Variants in RBFOX1 observed in about 807,000 individuals in gnomAD.
RBFOX1 encodes the protein RNA binding fox-1 homolog 1, also known as RNA binding protein fox-1 homolog 1.
In RBFOX1, 8 loss-of-function variants were observed where a neutral mutation model predicts 57.7. The observed-to-expected ratio is 0.14, with a 90% CI of 0.08 to 0.25. The LOEUF is 0.25. Among genes scored for constraint, RBFOX1 ranks in the 10% least tolerant of loss-of-function variants. The pLI is 1.00. For missense variants in RBFOX1, 611 were observed against 548.5 expected (o/e 1.11, Z -1.14); for synonymous variants, 326 against 222.4 (o/e 1.47, Z -4.15).
intron 2 of RBFOX1, among the ~76,000 whole-genome samples, chr16:6,441,792 C>T (rs752961459): frequency 2.6e-5 from 4 of 152,168 alleles, no homozygotes; most frequent in Non-Finnish European, 5.9e-5. Context: ...CGTCTCACAG[C>T]TTTAGCCCTT....
At chr16:6,242,719 T>C (rs73531431) in intron 1 of RBFOX1, among the ~76,000 whole-genome samples, 15,422 of 151,830 alleles carry the variant, frequency 0.1, 1,686 homozygotes, top group African/African-American at 0.28. Flanking sequence ...GCATTGCATC[T>C]TTTTATAGCC....
intron 3 of RBFOX1, among the ~76,000 whole-genome samples, chr16:5,685,912 C>T (rs562926480): frequency 6.6e-6 from 1 of 152,262 alleles, no homozygotes; most frequent in Non-Finnish European, 1.5e-5. Context: ...CAATGTTTGT[C>T]ATGCTGGACA....
At chr16:7,446,280 T>A (rs575619141) in intron 4 of RBFOX1, among the ~76,000 whole-genome samples, 10 of 152,222 alleles carry the variant, frequency 6.6e-5, no homozygotes, top group Admixed American at 6.5e-5. Context: ...CCTTCTATGA[T>A]TGAGTTGCTT....
intron 3 of RBFOX1, among the ~76,000 whole-genome samples, chr16:5,666,916 T>A (rs534625458): frequency 6.6e-6 from 1 of 152,196 alleles, no homozygotes; most frequent in Non-Finnish European, 1.5e-5. Context: ...GCTTTGTGGA[T>A]TGCCCTGTGT....
chr16:7,647,986 TA>T (rs2064094445), intron 11 of RBFOX1, among the ~76,000 whole-genome samples: 1 of 152,182 alleles, frequency 6.6e-6, no homozygotes, highest in South Asian at 2.1e-4. Context: ...TCTGTCCAGG[TA>T]ATCATCTCAA....
At chr16:7,686,341 C>T (rs370095454) in intron 14 of RBFOX1, among the ~76,000 whole-genome samples, 25 of 152,156 alleles carry the variant, frequency 1.6e-4, no homozygotes, top group East Asian at 1.4e-3. Flanking sequence ...ACCGCAAGAT[C>T]AAATATCCTA....
intron 3 of RBFOX1, among the ~76,000 whole-genome samples, chr16:6,948,375 C>CTTTCTTTT (rs2079989962): frequency 1.5e-5 from 1 of 67,968 alleles, no homozygotes; most frequent in Admixed American, 1.6e-4. Flanking sequence ...TTCTCCCTTT[C>CTTTCTTTT]TTTTTTTTTT....
intron 4 of RBFOX1, among the ~76,000 whole-genome samples, chr16:7,173,736 C>T (rs888854617): frequency 1.3e-5 from 2 of 152,162 alleles, no homozygotes; most frequent in Admixed American, 1.3e-4. Flanking sequence ...AAACTAATTC[C>T]ATAGGCCCAT....
At chr16:7,411,804 G>C (rs776337925) in intron 4 of RBFOX1, among the ~76,000 whole-genome samples, 1 of 151,586 alleles carries the variant, frequency 6.6e-6, no homozygotes, top group Non-Finnish European at 1.5e-5. Flanking sequence ...GTGGGAGGCT[G>C]AGGCAGGAGA....
rs116310598 is a variant in RBFOX1, at chr16:5,631,739, A to T, written c.318+32778A>T. ...TACTTAGTATTGAGTTTTGGCTCTT[A>T]GGAGGTGCTTACTGAGTATTTATTC... On this transcript the variant is annotated intron_variant, in intron 3 of 19. Coordinates refer to the RBFOX1 transcript ENST00000641259. Among the ~76,000 whole-genome samples the T allele has an allele frequency of 6.0e-3, 916 of 152,136 alleles. 8 individuals carry two copies. Among genetic ancestry groups the T allele is most frequent in the African/African-American group, 0.021 (869 of 41,504 alleles).
chr16:6,411,308 C>G lies in RBFOX1; in HGVS notation c.-64+94251C>G, dbSNP rs140465012. On this transcript the variant is annotated intron_variant, in intron 2 of 15. Coordinates refer to ENST00000550418, the MANE Select transcript of RBFOX1 (RefSeq NM_018723.4). The stretch of plus-strand genomic sequence containing the variant: ...CTTTTTATCTAGATAACCATAGGTC[C>G]GGAGATGACTGTGACAAAAGAGCCA... 1.8e-4 allele frequency among the ~76,000 whole-genome samples: 27 copies of G among 152,188 alleles called. No homozygotes were observed. The East Asian group carries it at 4.8e-3, about 27-fold the overall frequency.
chr16:7,691,826 A>G (rs1356303116), intron 14 of RBFOX1, among the ~76,000 whole-genome samples: 2 of 152,116 alleles, frequency 1.3e-5, no homozygotes, highest in Admixed American at 1.3e-4. Context: ...CCTGCCATAG[A>G]TATGTGAATG....
At chr16:6,202,376 C>G (rs188734895) in intron 1 of RBFOX1, among the ~76,000 whole-genome samples, 1 of 152,096 alleles carries the variant, frequency 6.6e-6, no homozygotes, top group Non-Finnish European at 1.5e-5. Context: ...CATTGACTGG[C>G]GATCTTCATG....
At chr16:5,738,331 T>G (rs1309803104) in intron 3 of RBFOX1, among the ~76,000 whole-genome samples, 1 of 151,342 alleles carries the variant, frequency 6.6e-6, no homozygotes, top group Non-Finnish European at 1.5e-5. Context: ...CTTTAAAAAG[T>G]AAATCTAAAG....
intron 1 of RBFOX1, among the ~76,000 whole-genome samples, chr16:6,197,823 A>G (rs2097190375): frequency 6.6e-6 from 1 of 151,652 alleles, no homozygotes; most frequent in African/African-American, 2.4e-5. Flanking sequence ...CTCAAGTAGG[A>G]CTCAGTGTCT....
intron 3 of RBFOX1, among the ~76,000 whole-genome samples, chr16:7,038,262 G>C (rs1260683288): frequency 2.0e-5 from 3 of 152,094 alleles, no homozygotes; most frequent in Admixed American, 2.0e-4. Flanking sequence ...GGTGAGTATT[G>C]CTTGAATTTT....
chr16:6,232,918 C>T (rs557881583), intron 1 of RBFOX1, among the ~76,000 whole-genome samples: 3 of 152,184 alleles, frequency 2.0e-5, no homozygotes, highest in East Asian at 1.9e-4. Flanking sequence ...ATGTGGACAG[C>T]GTCAGTGCCA....
chr16:6,215,887 C>A (rs1386452209), intron 1 of RBFOX1, among the ~76,000 whole-genome samples: 5 of 152,128 alleles, frequency 3.3e-5, no homozygotes, highest in Non-Finnish European at 7.4e-5. Context: ...CTGAAAGGAT[C>A]CACAAGATGG....
At chr16:6,752,906 C>A (rs899967888) in intron 3 of RBFOX1, among the ~76,000 whole-genome samples, 8 of 151,480 alleles carry the variant, frequency 5.3e-5, no homozygotes, top group African/African-American at 1.7e-4. Context: ...GAATTTTTAT[C>A]TTCCTGTTGG....
Sources: gnomAD v4.1 joint callset for allele counts (sites outside exome capture counted in the v4.1 genomes callset) on GRCh38, gnomAD v4.1.1 for gene constraint, MANE v1.5 for transcripts, NCBI Gene and HGNC (gene_info 2026-07-23, HGNC 2026-07-21) for gene names.